The following MRPS6 variants were observed in gnomAD, a reference collection of about 807,000 sequenced individuals.
MRPS6 encodes the protein mitochondrial ribosomal protein S6, also known as small ribosomal subunit protein bS6m.
MRPS6 carries 6 observed loss-of-function variants against 13.1 expected under a neutral mutation model. The ratio of observed to expected loss-of-function variants is 0.46; its 90% confidence interval spans 0.25 to 0.91. MRPS6 has a LOEUF of 0.91. Ranked by LOEUF, MRPS6 falls within the 40% of genes least tolerant of loss-of-function variation. The pLI is 0.18. For missense variants in MRPS6, 164 were observed against 155.6 expected, an observed-to-expected ratio of 1.05 and a Z score of -0.29; for synonymous variants, 61 against 56.5, an observed-to-expected ratio of 1.08 and a Z score of -0.36.
intron 1 of MRPS6, 182 bp from the exon 2 acceptor site, chr21:34,125,159 C>A: frequency 1.0e-6 from 1 of 969,616 alleles, no homozygotes; most frequent in Non-Finnish European, 1.5e-6. Flanking sequence ...ATCTCATATC[C>A]TTACAATAAA....
chr21:34,093,382 CA>C (rs1363640603), intron 1 of MRPS6, among the ~76,000 whole-genome samples: 1 of 151,940 alleles, frequency 6.6e-6, no homozygotes, highest in Non-Finnish European at 1.5e-5. Flanking sequence ...GGGATTGAGA[CA>C]TTTCTATCCA....
intron 1 of MRPS6, among the ~76,000 whole-genome samples, chr21:34,116,880 C>T (rs1020814780): frequency 6.6e-6 from 1 of 152,088 alleles, no homozygotes; most frequent in Non-Finnish European, 1.5e-5. Flanking sequence ...AGATAAATTC[C>T]CCTACACTCC....
chr21:34,093,078 T>A (rs886436196), intron 1 of MRPS6, among the ~76,000 whole-genome samples: 4 of 152,226 alleles, frequency 2.6e-5, no homozygotes, highest in Non-Finnish European at 5.9e-5. Context: ...ACTAGTCATC[T>A]GATTAGATTT....
At chr21:34,132,375 C>T (rs1344647639) in intron 2 of MRPS6, among the ~76,000 whole-genome samples, 1 of 152,216 alleles carries the variant, frequency 6.6e-6, no homozygotes, top group African/African-American at 2.4e-5. Flanking sequence ...CGCATAGCAG[C>T]AGGACGACAA....
intron 1 of MRPS6, chr21:34,104,340 C>G: frequency 4.0e-6 from 4 of 999,882 alleles, no homozygotes; most frequent in Non-Finnish European, 3.6e-6. Context: ...AACGTATGTT[C>G]TTCTACTCAG....
intron 1 of MRPS6, among the ~76,000 whole-genome samples, chr21:34,084,640 T>G (rs111545161): frequency 0.011 from 1,751 of 152,328 alleles, 37 homozygotes; most frequent in South Asian, 0.081. Flanking sequence ...TAGGTAGAGC[T>G]ATTTCCATTT....
intron 1 of MRPS6, among the ~76,000 whole-genome samples, chr21:34,091,540 A>C (rs905714442): frequency 1.3e-4 from 20 of 152,114 alleles, no homozygotes; most frequent in African/African-American, 4.6e-4. Flanking sequence ...TGCTTATTTA[A>C]ATTTGGTCTT....
intron 1 of MRPS6, among the ~76,000 whole-genome samples, chr21:34,093,283 A>G (rs1282381129): frequency 7.6e-6 from 1 of 131,866 alleles, no homozygotes; most frequent in African/African-American, 2.8e-5. Context: ...AATCTTATTT[A>G]TGCCAGCCGT....
At chr21:34,110,372 C>T (rs1047432336) in intron 1 of MRPS6, among the ~76,000 whole-genome samples, 1 of 151,968 alleles carries the variant, frequency 6.6e-6, no homozygotes, top group Non-Finnish European at 1.5e-5. Flanking sequence ...GCCAGCTACT[C>T]AAGAGGCCGA....
intron 1 of MRPS6, among the ~76,000 whole-genome samples, chr21:34,085,489 GC>G (rs1301329438): frequency 1.3e-5 from 2 of 152,056 alleles, no homozygotes; most frequent in African/African-American, 2.4e-5. Flanking sequence ...CCAACAATCT[GC>G]ATTGGTTTTA....
At position 34,110,599 on chromosome 21, in the gene MRPS6, T is replaced by A. The variant is rs533840128; in HGVS notation, c.46-14742T>A. Among the ~76,000 whole-genome samples, 3 of 152,362 alleles carry A rather than the reference T, an allele frequency of 2.0e-5. No homozygotes were observed. The South Asian group carries it at 6.2e-4, about 32-fold the overall frequency. ...AACATATTCCATAAAATGACACATG[T>A]ATGGTGTAGTAAACAGTTATTTGTG... On this transcript the variant is annotated intron_variant, in intron 1 of 2. Transcript: ENST00000399312.
At chr21:34,125,823 AG>A (rs1477568661) in intron 2 of MRPS6, among the ~76,000 whole-genome samples, 2 of 152,204 alleles carry the variant, frequency 1.3e-5, no homozygotes, top group Non-Finnish European at 2.9e-5. Flanking sequence ...CCACAAACAT[AG>A]TGTATCAGTT....
At chr21:34,142,341 A>G in intron 2 of MRPS6, 67 bp from the exon 3 acceptor site, 1 of 1,507,564 alleles carries the variant, frequency 6.6e-7, no homozygotes. Flanking sequence ...AAATGGAAAC[A>G]CTGACCAAAA....
At position 34,125,401 on chromosome 21, in the gene MRPS6, G is replaced by A; in HGVS notation, c.106G>A (p.Val36Met). The A allele has an allele frequency of 6.2e-7, 1 of 1,614,062 alleles. No homozygotes were observed. Among genetic ancestry groups the A allele is most frequent in the African/African-American group, 1.3e-5 (1 of 75,018 alleles). ...IEALMDRGAI[V>M]RDLENLGERA... Reference sequence around the variant, plus strand: ...GGCCCTGATGGACAGAGGAGCAATAGTGAGGGACTTGGAAAACCTGGGTGA... The same window carrying A: ...GGCCCTGATGGACAGAGGAGCAATAATGAGGGACTTGGAAAACCTGGGTGA... The change falls in exon 2 of 3, where the codon GTG becomes ATG. Residue 36 changes from valine to methionine, a missense_variant. Physicochemically the swap from Val to Met is conservative, Grantham distance 21. Coordinates refer to ENST00000399312, the MANE Select transcript of MRPS6 (RefSeq NM_032476.4).
intron 1 of MRPS6, chr21:34,099,089 T>C: frequency 1.0e-6 from 1 of 999,764 alleles, no homozygotes; most frequent in Non-Finnish European, 1.2e-6. Context: ...GCATAGTGTC[T>C]TCCCATGATC....
At chr21:34,111,697 G>A (rs1979706036) in intron 1 of MRPS6, among the ~76,000 whole-genome samples, 1 of 152,158 alleles carries the variant, frequency 6.6e-6, no homozygotes, top group Non-Finnish European at 1.5e-5. Context: ...CAAAATGAGA[G>A]CCACCATTCC....
At chr21:34,088,425 C>T (rs1280040534) in intron 1 of MRPS6, among the ~76,000 whole-genome samples, 1 of 152,178 alleles carries the variant, frequency 6.6e-6, no homozygotes, top group Non-Finnish European at 1.5e-5. Context: ...TTAATCTCTG[C>T]ATTTTATCCA....
At chr21:34,088,780 A>G (rs1446259210) in intron 1 of MRPS6, among the ~76,000 whole-genome samples, 1 of 152,150 alleles carries the variant, frequency 6.6e-6, no homozygotes, top group Admixed American at 6.5e-5. Context: ...TAATAATTGT[A>G]CTTATCTCAT....
chr21:34,084,844 CAG>C (rs1015743779), intron 1 of MRPS6, among the ~76,000 whole-genome samples: 30 of 152,096 alleles, frequency 2.0e-4, no homozygotes, highest in African/African-American at 7.0e-4. Flanking sequence ...AAAAAAATTT[CAG>C]ACTTAAAGAG....
Sources: allele counts gnomAD v4.1 joint callset (sites outside exome capture counted in the v4.1 genomes callset), GRCh38; gene constraint gnomAD v4.1.1; transcripts MANE v1.5; gene names NCBI Gene and HGNC (gene_info 2026-07-23, HGNC 2026-07-21).